Variants in PRKDC observed in about 807,000 individuals in gnomAD.
The protein encoded by PRKDC is protein kinase, DNA-activated, catalytic subunit.
Under a neutral mutation model 486.9 loss-of-function variants are expected in PRKDC, and 82 were observed. That is an observed-to-expected ratio of 0.17 (90% CI 0.14 to 0.20). The LOEUF is 0.20. Among genes scored for constraint, PRKDC ranks in the 10% least tolerant of loss-of-function variants. PRKDC has a pLI of 1.00. For synonymous variants in PRKDC, 1,895 were observed against 1,837.0 expected, an observed-to-expected ratio of 1.03 and a Z score of -0.81; for missense variants, 4,504 against 5,038.2, an observed-to-expected ratio of 0.89 and a Z score of 3.21.
chr8:47,795,301 T>G (rs189276702), intron 73 of PRKDC, among the ~76,000 whole-genome samples: 6 of 150,082 alleles, frequency 4.0e-5, no homozygotes, highest in African/African-American at 1.5e-4. Flanking sequence ...GCCATTCTCC[T>G]ACTTCAGCCT....
intron 21 of PRKDC, among the ~76,000 whole-genome samples, chr8:47,921,899 G>T (rs1346937080): frequency 1.3e-5 from 2 of 151,844 alleles, no homozygotes; most frequent in Non-Finnish European, 2.9e-5. Context: ...TTCTGCCTCA[G>T]CCTCCCGAGT....
intron 68 of PRKDC, among the ~76,000 whole-genome samples, chr8:47,810,377 A>C (rs533104769): frequency 5.9e-5 from 9 of 152,218 alleles, no homozygotes; most frequent in Non-Finnish European, 1.3e-4. Flanking sequence ...CTTACTGCCT[A>C]AGAGTACAAA....
At chr8:47,892,297 G>A (rs1038722495) in intron 31 of PRKDC, among the ~76,000 whole-genome samples, 5 of 152,102 alleles carry the variant, frequency 3.3e-5, no homozygotes, top group Admixed American at 2.6e-4. Context: ...AGTAAAAAAT[G>A]TAATGTGCAC....
rs772079669 is a variant in PRKDC, at chr8:47,778,587, C to T, written c.11725G>A (p.Ala3909Thr). The change falls in exon 83 of 86, where the codon GCT (alanine) becomes ACT (threonine). Residue 3909 changes from alanine to threonine, a missense_variant. Ala to Thr is a moderately conservative substitution (Grantham distance 58). Around this residue, in one of 6 missense-constraint regions of PRKDC, gnomAD observed 706 missense variants for 945.0 expected, o/e 0.75. Coordinates refer to ENST00000314191, the MANE Select transcript of PRKDC (RefSeq NM_006904.7). Reference sequence around the variant, plus strand: ...ATCCAGTGGCTGATGCATATCAGAGCGTGAGAGCTGGCGAAGTGGGAGCGG... The same window carrying T: ...ATCCAGTGGCTGATGCATATCAGAGTGTGAGAGCTGGCGAAGTGGGAGCGG... ...ALRSHFASSH[A>T]LICISHWILG... The T allele has an allele frequency of 3.1e-5, 50 of 1,613,584 alleles. No homozygotes were observed. Among genetic ancestry groups the T allele is most frequent in the East Asian group, 4.5e-5 (2 of 44,870 alleles).
chr8:47,807,801 C>T (rs2087247935), intron 68 of PRKDC, among the ~76,000 whole-genome samples: 3 of 150,428 alleles, frequency 2.0e-5, no homozygotes, highest in South Asian at 4.2e-4. Flanking sequence ...CTGCAACCTC[C>T]ACCTTCTGGG....
chr8:47,850,666 C>A (rs1288114670), intron 52 of PRKDC, among the ~76,000 whole-genome samples: 1 of 152,086 alleles, frequency 6.6e-6, no homozygotes, highest in East Asian at 1.9e-4. Flanking sequence ...TTTAATACGA[C>A]AACACAATGA....
intron 25 of PRKDC, among the ~76,000 whole-genome samples, chr8:47,908,473 T>G (rs1371313111): frequency 6.6e-6 from 1 of 152,216 alleles, no homozygotes; most frequent in African/African-American, 2.4e-5. Context: ...TTTATGTGTC[T>G]CCCTATCTGT....
chr8:47,803,942 A>AG lies in PRKDC; in HGVS notation c.9748-463_9748-462insC, dbSNP rs2087162635. 2.0e-5 allele frequency among the ~76,000 whole-genome samples: 3 copies of AG among 151,474 alleles called. No individual in the cohort carries two copies. In the South Asian group the frequency reaches 6.3e-4, roughly 32 times the overall value. On this transcript the variant is annotated intron_variant, in intron 69 of 85. Transcript: ENST00000314191. ...CAACAGAGCAAGTCTCCAAAAAAAA[A>AG]AAAAAATTCCAGGGGGTGTGGCAGG...
chr8:47,862,409 A>C lies in PRKDC; in HGVS notation c.5883T>G (p.Phe1961Leu), dbSNP rs1425320660. Residue 1961 changes from phenylalanine (F) to leucine (L), a missense_variant, in exon 43 of 86, where the codon TTT becomes TTG. This residue lies in a region of PRKDC where 80 missense variants were observed against 132.3 expected (regional missense o/e 0.60). Transcript: ENST00000314191. Reference protein sequence around the residue: ...VICCVFNELKFYQGFLFSEKP... With the variant: ...VICCVFNELKLYQGFLFSEKP... ...TTTCACTAAACAGAAAACCTTGGTA[A>C]AATTTTAACTCATTGAAGACACAGC... 1 of 1,614,020 alleles carries C rather than the reference A, an allele frequency of 6.2e-7. No homozygotes were observed. Among genetic ancestry groups the C allele is most frequent in the Non-Finnish European group, 8.5e-7 (1 of 1,179,880 alleles).
At chr8:47,792,150 G>A (rs1334944254) in intron 74 of PRKDC, among the ~76,000 whole-genome samples, 1 of 151,924 alleles carries the variant, frequency 6.6e-6, no homozygotes, top group South Asian at 2.1e-4. Context: ...AACTGAACTC[G>A]TGGGGAGGGG....
At chr8:47,892,028 C>A (rs540943163) in intron 31 of PRKDC, among the ~76,000 whole-genome samples, 124 of 152,124 alleles carry the variant, frequency 8.2e-4, no homozygotes, top group Non-Finnish European at 1.5e-3. Context: ...TGCCACCATG[C>A]CTGACTAATT....
Position 47,900,429 on chromosome 8 carries a change from G to C in PRKDC, c.3308C>G (p.Ala1103Gly). 6.2e-7 allele frequency: 1 copy of C among 1,611,660 alleles called. No individual in the cohort carries two copies. The highest frequency in any genetic ancestry group is 1.1e-5 in the South Asian group (1 of 90,236). ...ESLVEQFVFE[A>G]LVIYMESLAL... ...CAGACTCTCCATGTATATCACCAAG[G>C]CTTCAAACACAAACTGTTCCACCAG... Residue 1103 changes from alanine to glycine, a missense_variant, in exon 28 of 86, where the codon GCC becomes GGC. Ala to Gly is a moderately conservative substitution (Grantham distance 60). Around this residue, in one of 6 missense-constraint regions of PRKDC, gnomAD observed 1,969 missense variants for 2,068.9 expected, o/e 0.95. Transcript: ENST00000314191.
intron 66 of PRKDC, among the ~76,000 whole-genome samples, chr8:47,820,170 T>C (rs2087553884): frequency 6.6e-6 from 1 of 152,160 alleles, no homozygotes; most frequent in Admixed American, 6.5e-5. Context: ...CCCAGCACTT[T>C]GGGAGACTGA....
In PRKDC at chr8:47,834,513, C is replaced by T; in HGVS notation, c.7952-117G>A. 5.7e-6 allele frequency: 6 copies of T among 1,058,376 alleles called. No individual in the cohort carries two copies. In the South Asian group the frequency reaches 9.3e-5, roughly 16 times the overall value. The allele number at this position is 1,058,376 out of a possible 1,614,324, so 65.6% of individuals were successfully genotyped here. ...CCTAGGCCTCCGTGCTCAACTCCAA[C>T]CCTGGGCAGAGGCTCTGTCAGGTCC... On this transcript the variant is annotated intron_variant, in intron 58 of 85. Transcript: ENST00000314191.
At chr8:47,846,829 A>T (rs1305111802) in intron 54 of PRKDC, among the ~76,000 whole-genome samples, 1 of 152,222 alleles carries the variant, frequency 6.6e-6, no homozygotes, top group African/African-American at 2.4e-5. Flanking sequence ...AAATCAATGT[A>T]CAAAAATCAG....
At chr8:47,872,215 A>G (rs965806952) in intron 40 of PRKDC, among the ~76,000 whole-genome samples, 5 of 152,194 alleles carry the variant, frequency 3.3e-5, no homozygotes, top group African/African-American at 1.2e-4. Flanking sequence ...TTCCGCTGTC[A>G]GCAGTTTAAA....
chr8:47,929,993 G>C lies in PRKDC; in HGVS notation c.1912C>G (p.Gln638Glu). Residue 638 changes from glutamine to glutamate, a missense_variant, in exon 18 of 86, where the codon CAA becomes GAA. Around this residue, in one of 6 missense-constraint regions of PRKDC, gnomAD observed 1,969 missense variants for 2,068.9 expected, o/e 0.95. Transcript: ENST00000314191. ...EFCREILPEK[Q>E]AEFFEPWVYS... ...ACCCATGGTTCAAAAAATTCTGCTT[G>C]TTTCTCAGGGAGAATCTCTCTGTAA... 6.2e-7 allele frequency: 1 copy of C among 1,603,732 alleles called. No individual in the cohort carries two copies. Among genetic ancestry groups the C allele is most frequent in the East Asian group, 2.2e-5 (1 of 44,682 alleles).
chr8:47,794,399 T>C lies in PRKDC; in HGVS notation c.10561A>G (p.Ile3521Val), dbSNP rs1415604921. ...ATAGCCTGCGGGTAGTTATCAGTGA[T>C]TTCTTCCACAGAGTGCTGAACAGCA... ...AVAVQHSVEE[I>V]TDNYPQAIVY... The change falls in exon 74 of 86, where the codon ATC becomes GTC. Residue 3521 changes from isoleucine to valine, a missense_variant. Coordinates refer to ENST00000314191, the MANE Select transcript of PRKDC (RefSeq NM_006904.7). The C allele has an allele frequency of 6.2e-7, 1 of 1,613,784 alleles. No individual in the cohort carries two copies. The highest frequency in any genetic ancestry group is 1.3e-5 in the African/African-American group (1 of 74,926).
chr8:47,852,642 G>A, intron 52 of PRKDC, 31 bp downstream of exon 52: 1 of 1,307,066 alleles, frequency 7.7e-7, no homozygotes, highest in Non-Finnish European at 1.1e-6. Flanking sequence ...AGAGTAAGAG[G>A]TATTTATTGA....
Sources: allele counts gnomAD v4.1 joint callset (sites outside exome capture counted in the v4.1 genomes callset), GRCh38; gene constraint gnomAD v4.1.1; regional missense constraint gnomAD v4.1.1; transcripts MANE v1.5; gene names NCBI Gene and HGNC (gene_info 2026-07-23, HGNC 2026-07-21).